Variants in SFPQ observed in about 807,000 individuals in gnomAD.
SFPQ encodes splicing factor proline and glutamine rich.
SFPQ carries 11 observed loss-of-function variants against 72.9 expected under a neutral mutation model. That is an observed-to-expected ratio of 0.15 (90% CI 0.09 to 0.25). The LOEUF (loss-of-function observed/expected upper bound fraction) is 0.25. SFPQ is among the 10% of genes least tolerant of loss of function. The pLI is 1.00. For synonymous variants in SFPQ, 506 were observed against 367.3 expected (o/e 1.38, Z -4.32); for missense variants, 847 against 993.3 (o/e 0.85, Z 1.98).
chr1:35,183,515 C>T lies in SFPQ; in HGVS notation c.*941G>A. ...TACAGGCGTGAGCCACCGCGCCCGG[C>T]CCAGTTACTAAACCTTCTTACTTTC... is the stretch of plus-strand genomic sequence containing the variant. On this transcript the variant is annotated 3_prime_UTR_variant, in exon 10 of 10. Transcript: ENST00000357214. 9.9e-7 allele frequency: 1 copy of T among 1,011,040 alleles called. No homozygotes were observed. Among genetic ancestry groups the T allele is most frequent in the Non-Finnish European group, 1.2e-6 (1 of 844,110 alleles). The allele number at this position is 1,011,040 out of a possible 1,614,324, so 62.6% of individuals were successfully genotyped here.
downstream of SFPQ, chr1:35,179,595 G>A (rs999199850): frequency 1.9e-6 from 2 of 1,053,378 alleles, no homozygotes; most frequent in Non-Finnish European, 1.1e-6. Flanking sequence ...ACTGCACTAA[G>A]ATTCACAATT....
downstream of SFPQ, chr1:35,180,363 C>T: frequency 9.6e-7 from 1 of 1,043,818 alleles, no homozygotes; most frequent in Non-Finnish European, 1.2e-6. Context: ...ACATCACATC[C>T]CTAAAGCTAA....
Position 35,187,030 on chromosome 1 carries a change from T to C in SFPQ, c.1957A>G (p.Met653Val). 6.2e-7 allele frequency: 1 copy of C among 1,614,104 alleles called. No individual in the cohort carries two copies. The highest frequency in any genetic ancestry group is 8.5e-7 in the Non-Finnish European group (1 of 1,179,958). The change falls in exon 9 of 10, where the codon ATG becomes GTG. Residue 653 changes from methionine to valine, a missense_variant. Met to Val is a conservative substitution (Grantham distance 21). Coordinates refer to ENST00000357214, the MANE Select transcript of SFPQ (RefSeq NM_005066.3). ...TCACTTCCCATCATGGAACCACTCA[T>C]GGTTGCTGGTGGAACGCCAGGATTA... The part of the protein sequence containing the change: ...EANPGVPPAT[M>V]SGSMMGSDMR...
intron 1 of SFPQ, among the ~76,000 whole-genome samples, chr1:35,191,909 A>C (rs1016065023): frequency 3.3e-5 from 5 of 152,222 alleles, no homozygotes; most frequent in Non-Finnish European, 7.3e-5. Flanking sequence ...GGTTCTCTCC[A>C]AACCTACGCC....
chr1:35,184,026 T>C lies in SFPQ; in HGVS notation c.*430A>G, dbSNP rs1639593311. On this transcript the variant is annotated 3_prime_UTR_variant, in exon 10 of 10. Coordinates refer to ENST00000357214, the MANE Select transcript of SFPQ (RefSeq NM_005066.3). ...AGATGCATTTCCCAGAAATGGCATA[T>C]GCCATTCAAAGGCCTAGACACTCTC... The C allele has an allele frequency of 9.4e-7, 1 of 1,059,918 alleles. No individual in the cohort carries two copies. Among genetic ancestry groups the C allele is most frequent in the Non-Finnish European group, 1.1e-6 (1 of 876,034 alleles). 65.7% of individuals were successfully genotyped at this position (1,059,918 alleles called of 1,614,324 possible).
chr1:35,179,718 C>T (rs901508697), downstream of SFPQ: 1 of 1,056,968 alleles, frequency 9.5e-7, no homozygotes, highest in Non-Finnish European at 1.1e-6. Context: ...CAAAATTAAC[C>T]CCCCACCCCA....
chr1:35,177,356 T>C (rs753761242), exon 5 of SFPQ: 3 of 152,108 alleles, frequency 2.0e-5, no homozygotes, highest in Non-Finnish European at 4.4e-5. Context: ...CTTCCCTCCT[T>C]GATTGACTCA....
Position 35,183,218 on chromosome 1 carries a change from A to G in SFPQ, c.*1238T>C, listed in dbSNP as rs1639551803. The G allele has an allele frequency of 2.0e-6, 2 of 998,974 alleles. No individual in the cohort carries two copies. The highest frequency in any genetic ancestry group is 9.4e-5 in the South Asian group (2 of 21,182). 61.9% of individuals were successfully genotyped at this position (998,974 alleles called of 1,614,324 possible). On this transcript the variant is annotated 3_prime_UTR_variant, in exon 10 of 10. Coordinates refer to ENST00000357214, the MANE Select transcript of SFPQ (RefSeq NM_005066.3). ...TATATATAACTAAACCTACTTCAGT[A>G]CTAAACCTTTTTTTTTTTTTGAGAC...
chr1:35,184,028 CCATT>C lies in SFPQ; in HGVS notation c.*424_*427del. 9.4e-7 allele frequency: 1 copy of C among 1,059,220 alleles called. No individual in the cohort carries two copies. Among genetic ancestry groups the C allele is most frequent in the Non-Finnish European group, 1.1e-6 (1 of 875,652 alleles). The allele number at this position is 1,059,220 out of a possible 1,614,324, so 65.6% of individuals were successfully genotyped here. A position where few individuals can be genotyped will look rare whatever the true frequency, so the allele number is the denominator to read the frequency against. ...ATGCATTTCCCAGAAATGGCATATG[CCATT>C]CAAAGGCCTAGACACTCTCATGCTT... On this transcript the variant is annotated 3_prime_UTR_variant, in exon 10 of 10. Coordinates refer to ENST00000357214, the MANE Select transcript of SFPQ (RefSeq NM_005066.3).
At chr1:35,178,468 TCAG>T (rs1447461708), downstream of SFPQ, 4 of 1,064,044 alleles carry the variant, frequency 3.8e-6, no homozygotes, top group Non-Finnish European at 4.6e-6. Context: ...CTGACCACCT[TCAG>T]CAGGAGTCCT....
intron 4 of SFPQ, 122 bp from the exon 5 acceptor site, chr1:35,189,504 C>T (rs1005186524): frequency 6.0e-6 from 4 of 665,868 alleles, no homozygotes; most frequent in Non-Finnish European, 9.9e-6. Flanking sequence ...CAAAAATTTT[C>T]CTGATTCATC....
At chr1:35,189,870 G>C (rs1233387896) in intron 4 of SFPQ, among the ~76,000 whole-genome samples, 1 of 152,054 alleles carries the variant, frequency 6.6e-6, no homozygotes, top group East Asian at 1.9e-4. Flanking sequence ...AGAATCACTT[G>C]AACCCGGGAG....
intron 4 of SFPQ, among the ~76,000 whole-genome samples, 164 bp downstream of exon 4, chr1:35,190,334 T>C (rs1423927223): frequency 6.6e-6 from 1 of 152,226 alleles, no homozygotes; most frequent in African/African-American, 2.4e-5. Context: ...CAAACAGCTA[T>C]CTGAATAACA....
chr1:35,191,785 T>C (rs1481613843), intron 1 of SFPQ, among the ~76,000 whole-genome samples: 1 of 152,212 alleles, frequency 6.6e-6, no homozygotes, highest in African/African-American at 2.4e-5. Flanking sequence ...CCCACATATG[T>C]TGAGTGTCCC....
Position 35,193,005 on chromosome 1 carries a change from G to A in SFPQ, c.45C>T (p.Gly15=). The change falls in exon 1 of 10, where the codon GGC becomes GGT. Residue 15 remains glycine (G), a synonymous_variant. Transcript: ENST00000357214. ...RFRSRGGGGG[G]FHRRGGGGGR... ...CGCCGCCTCCTCCACGCCTGTGGAAGCCACCACCGCCACCGCCACGACTCC... is the reference window on the plus strand; with the variant it reads ...CGCCGCCTCCTCCACGCCTGTGGAAACCACCACCGCCACCGCCACGACTCC... 1.3e-6 allele frequency: 2 copies of A among 1,532,488 alleles called. No individual in the cohort carries two copies. Among genetic ancestry groups the A allele is most frequent in the Non-Finnish European group, 1.7e-6 (2 of 1,144,356 alleles). 94.9% of individuals were successfully genotyped at this position (1,532,488 alleles called of 1,614,324 possible).
chr1:35,190,758 C>T lies in SFPQ; in HGVS notation c.1255G>A (p.Ala419Thr), dbSNP rs1288667167. ...RSTGKGIVEFASKPAARKAFE... is the reference protein window; with the variant it reads ...RSTGKGIVEFTSKPAARKAFE... ...GCCTTTCTTGCTGCTGGCTTAGAAG[C>T]AAATTCAACAATGCCTTTCCCTGTA... is the stretch of plus-strand genomic sequence containing the variant. Residue 419 changes from alanine to threonine, a missense_variant, in exon 3 of 10, where the codon GCT (alanine) becomes ACT (threonine). Ala to Thr is a moderately conservative substitution (Grantham distance 58). Transcript: ENST00000357214. 11 of 1,614,120 alleles carry T rather than the reference C, an allele frequency of 6.8e-6. No individual in the cohort carries two copies. The East Asian group carries it at 1.6e-4, about 23-fold the overall frequency.
chr1:35,179,305 G>C, downstream of SFPQ: 1 of 1,058,732 alleles, frequency 9.4e-7, no homozygotes, highest in Non-Finnish European at 1.1e-6. Flanking sequence ...TCTCTTTATT[G>C]GGGAAAAGTG....
In SFPQ at chr1:35,186,938, C is replaced by A. The variant is rs1639748145; in HGVS notation, c.1986+63G>T. 5 of 1,524,460 alleles carry A rather than the reference C, an allele frequency of 3.3e-6. No individual in the cohort carries two copies. In the South Asian group the frequency reaches 3.7e-5, roughly 11 times the overall value. 94.4% of individuals were successfully genotyped at this position (1,524,460 alleles called of 1,614,324 possible). On this transcript the variant is annotated intron_variant, in intron 9 of 9. Transcript: ENST00000357214. ...CTTAAAAAAACAAAACAAAACAAAA[C>A]AAACACACCTAAGTTGTGAAAATGA...
downstream of SFPQ, chr1:35,182,614 C>T (rs1570112568): frequency 4.1e-6 from 4 of 985,264 alleles, no homozygotes; most frequent in East Asian, 2.3e-4. Context: ...TACTAAACTT[C>T]AGCATGTTAA....
Sources: allele counts gnomAD v4.1 joint callset (sites outside exome capture counted in the v4.1 genomes callset), GRCh38; gene constraint gnomAD v4.1.1; transcripts MANE v1.5; gene names NCBI Gene and HGNC (gene_info 2026-07-23, HGNC 2026-07-21).